ATP11A: variants seen among roughly 807,000 people sequenced by gnomAD.
ATP11A encodes phospholipid-transporting ATPase IH.
Under a neutral mutation model 154.4 loss-of-function variants are expected in ATP11A, and 81 were observed. The ratio of observed to expected loss-of-function variants is 0.52; its 90% confidence interval spans 0.44 to 0.63. The LOEUF (loss-of-function observed/expected upper bound fraction) is 0.63. Ranked by LOEUF, ATP11A falls within the 30% of genes least tolerant of loss-of-function variation. The probability of loss-of-function intolerance (pLI) is 0.00; values close to 1 mark genes in which losing one functional copy is unlikely to be tolerated. For synonymous variants in ATP11A, 623 were observed against 585.9 expected (o/e 1.06, Z -0.91); for missense variants, 1,316 against 1,474.3 (o/e 0.89, Z 1.76).
chr13:112,795,714 G>A (rs2077982499), intron 2 of ATP11A, among the ~76,000 whole-genome samples: 1 of 152,180 alleles, frequency 6.6e-6, no homozygotes, highest in African/African-American at 2.4e-5. Context: ...GTGAGCTAAG[G>A]TATTTCTTTA....
At chr13:112,864,260 C>T (rs1196864311) in intron 25 of ATP11A, among the ~76,000 whole-genome samples, 1 of 114,520 alleles carries the variant, frequency 8.7e-6, no homozygotes, top group African/African-American at 3.3e-5. Flanking sequence ...CCAGCGGGGT[C>T]CATCACCACC....
rs866254415 is a variant in ATP11A, at chr13:112,886,537, T to C, written c.*4671T>C. The C allele has an allele frequency of 1.4e-4, 20 of 145,774 alleles. No homozygotes were observed. Among genetic ancestry groups the C allele is most frequent in the African/African-American group, 4.2e-4 (17 of 40,166 alleles). The allele number at this position is 145,774 out of a possible 1,614,324, so 9.0% of individuals were successfully genotyped here. On this transcript the variant is annotated 3_prime_UTR_variant, in exon 30 of 30. Transcript: ENST00000375645. ...AAAATATCAGTTGGCAAATGCAATC[T>C]TTTTTTTTTTTAAGCTAAAGGTGGG...
intron 5 of ATP11A, among the ~76,000 whole-genome samples, chr13:112,811,162 A>G (rs1290628983): frequency 7.1e-5 from 1 of 14,040 alleles, no homozygotes; most frequent in Non-Finnish European, 1.1e-4. Flanking sequence ...GCCCCTTCCA[A>G]CACACACACA....
Position 112,812,563 on chromosome 13 carries a change from C to G in ATP11A, c.441+1837C>G, listed in dbSNP as rs974564221. On this transcript the variant is annotated intron_variant, in intron 5 of 29. Transcript: ENST00000375645. ...GAACCTCTCCGGACAAGGCCGCAGC[C>G]CTTCCCTGTCCAGTGGGACGGGACC... Among the ~76,000 whole-genome samples the G allele has an allele frequency of 2.6e-5, 4 of 152,226 alleles. No individual in the cohort carries two copies. The South Asian group carries it at 8.3e-4, about 31-fold the overall frequency.
intron 1 of ATP11A, among the ~76,000 whole-genome samples, chr13:112,737,904 C>T (rs759585773): frequency 5.9e-5 from 9 of 152,270 alleles, no homozygotes; most frequent in Admixed American, 1.3e-4. Context: ...ATGCTGCTTC[C>T]GGAAGCCCAT....
At chr13:112,869,024 C>T in intron 25 of ATP11A, among the ~76,000 whole-genome samples, 1 of 152,042 alleles carries the variant, frequency 6.6e-6, no homozygotes, top group East Asian at 1.9e-4. Flanking sequence ...ATGATTCAGT[C>T]ACCTCCCACC....
chr13:112,861,180 A>G (rs572294694), intron 24 of ATP11A, among the ~76,000 whole-genome samples: 2 of 152,206 alleles, frequency 1.3e-5, no homozygotes, highest in South Asian at 4.1e-4. Context: ...CAACATGGGA[A>G]AAAACCACCC....
At chr13:112,692,958 A>G (rs1037876757) in intron 1 of ATP11A, among the ~76,000 whole-genome samples, 3 of 152,248 alleles carry the variant, frequency 2.0e-5, no homozygotes, top group Admixed American at 6.5e-5. Flanking sequence ...AAGGATAGAT[A>G]AATAGACCCT....
At chr13:112,756,904 CG>C (rs914162109) in intron 1 of ATP11A, among the ~76,000 whole-genome samples, 34 of 151,702 alleles carry the variant, frequency 2.2e-4, no homozygotes, top group Non-Finnish European at 3.8e-4. Context: ...GCTCCCAGCG[CG>C]GGGCCTGCTC....
chr13:112,840,097 C>G (rs1418609337), intron 16 of ATP11A, among the ~76,000 whole-genome samples: 3 of 148,294 alleles, frequency 2.0e-5, no homozygotes, highest in African/African-American at 7.6e-5. Flanking sequence ...AGCCTGCTCA[C>G]TCCCGTGCCC....
intron 1 of ATP11A, among the ~76,000 whole-genome samples, chr13:112,711,127 A>G (rs1887696975): frequency 6.6e-6 from 1 of 152,168 alleles, no homozygotes; most frequent in Admixed American, 6.5e-5. Flanking sequence ...GCGTGCTGAC[A>G]CTTTACCACG....
At chr13:112,844,273 C>T (rs754804013) in intron 17 of ATP11A, among the ~76,000 whole-genome samples, 7 of 152,162 alleles carry the variant, frequency 4.6e-5, no homozygotes, top group Admixed American at 1.3e-4. Flanking sequence ...GGAGAGTAGG[C>T]GCATGGATTA....
chr13:112,825,296 G>A (rs887016394), intron 10 of ATP11A, 134 bp from the exon 11 acceptor site: 138 of 966,176 alleles, frequency 1.4e-4, no homozygotes, highest in South Asian at 5.3e-5. Flanking sequence ...CCACCGTGGT[G>A]CGTTGAGGGC....
intron 10 of ATP11A, among the ~76,000 whole-genome samples, chr13:112,824,999 C>T (rs187930930): frequency 6.6e-6 from 1 of 152,294 alleles, no homozygotes; most frequent in African/African-American, 2.4e-5. Context: ...TTTTCTCCCC[C>T]TCCTTTCCTC....
In ATP11A at chr13:112,816,169, C is replaced by G; in HGVS notation, c.528C>G (p.Cys176Trp). The stretch of plus-strand genomic sequence containing the variant: ...CCAGCAACCGGGGAGATGGGACGTG[C>G]CACGTCACCACCGCCAGCTTGGATG... Reference protein sequence around the residue: ...FLSSNRGDGTCHVTTASLDGE... With the variant: ...FLSSNRGDGTWHVTTASLDGE... Residue 176 changes from cysteine to tryptophan, a missense_variant, in exon 6 of 30, where the codon TGC (cysteine) becomes TGG (tryptophan). By Grantham distance (215) the Cys-to-Trp change is radical. Transcript: ENST00000375645. 6.2e-7 allele frequency: 1 copy of G among 1,614,140 alleles called. No individual in the cohort carries two copies. The highest frequency in any genetic ancestry group is 8.5e-7 in the Non-Finnish European group (1 of 1,180,040).
chr13:112,724,256 G>A (rs1399103566), intron 1 of ATP11A, among the ~76,000 whole-genome samples: 3 of 151,380 alleles, frequency 2.0e-5, no homozygotes, highest in Admixed American at 6.6e-5. Flanking sequence ...ACAGGTTATG[G>A]GCTCTGTCCC....
At position 112,697,133 on chromosome 13, in the gene ATP11A, C is replaced by G. The variant is rs541987943; in HGVS notation, c.39+6678C>G. On this transcript the variant is annotated intron_variant, in intron 1 of 29. Coordinates refer to ENST00000375645, the MANE Select transcript of ATP11A (RefSeq NM_015205.3). The surrounding 1 kb of genome is among the most constrained non-coding windows in gnomAD (Gnocchi z 4.0). The stretch of plus-strand genomic sequence containing the variant: ...GCCCACGCAGCAGCCTCTGGGAGCC[C>G]TGGGGCCTTCCGTGGGCTGCTTCCT... 4.7e-4 allele frequency among the ~76,000 whole-genome samples: 71 copies of G among 152,272 alleles called. No individual in the cohort carries two copies. The highest frequency in any genetic ancestry group is 7.8e-4 in the Admixed American group (12 of 15,306).
chr13:112,807,036 G>A lies in ATP11A; in HGVS notation c.333+743G>A, dbSNP rs900262810. Among the ~76,000 whole-genome samples the A allele has an allele frequency of 1.3e-5, 2 of 152,228 alleles. No individual in the cohort carries two copies. Among genetic ancestry groups the A allele is most frequent in the African/African-American group, 4.8e-5 (2 of 41,458 alleles). On this transcript the variant is annotated intron_variant, in intron 4 of 29. Transcript: ENST00000375645. This position sits in a 1 kb window ranked among gnomAD's most constrained non-coding sequence, Gnocchi z 4.5. ...GCATTTTGTGTATCACGCGTCCTCT[G>A]TGGATGGACATTTGGGGTGTTTCCA...
chr13:112,878,182 C>A, intron 28 of ATP11A, 35 bp from the exon 29 acceptor site: 2 of 1,589,274 alleles, frequency 1.3e-6, no homozygotes, highest in African/African-American at 1.3e-5. Flanking sequence ...TGTTCACACA[C>A]CCCTGTGTGC....
Sources: gnomAD v4.1 joint callset for allele counts (sites outside exome capture counted in the v4.1 genomes callset) on GRCh38, gnomAD v4.1.1 for gene constraint, Gnocchi (gnomAD v3.1) non-coding constraint, MANE v1.5 for transcripts, NCBI Gene and HGNC (gene_info 2026-07-23, HGNC 2026-07-21) for gene names.